Variants in OSMR observed in about 807,000 individuals in gnomAD.
OSMR encodes oncostatin-M-specific receptor subunit beta.
OSMR carries 81 observed loss-of-function variants against 99.9 expected under a neutral mutation model. That is an observed-to-expected ratio of 0.81 (90% confidence interval 0.68 to 0.97). OSMR has a LOEUF of 0.97. Among genes scored for constraint, OSMR ranks in the 50% least tolerant of loss-of-function variants. OSMR has a pLI of 0.00. For synonymous variants in OSMR, 406 were observed against 410.4 expected (o/e 0.99, Z 0.13); for missense variants, 1,099 against 1,153.4 (o/e 0.95, Z 0.68).
chr5:38,914,276 A>ACAGGG (rs1168569744), intron 9 of OSMR, among the ~76,000 whole-genome samples: 1 of 152,186 alleles, frequency 6.6e-6, no homozygotes, highest in Non-Finnish European at 1.5e-5. Context: ...ATGTCTGCTC[A>ACAGGG]CAGGGTATTC....
intron 15 of OSMR, among the ~76,000 whole-genome samples, chr5:38,928,728 TGAC>T (rs1327106309): frequency 1.3e-5 from 2 of 152,196 alleles, no homozygotes; most frequent in Non-Finnish European, 2.9e-5. Flanking sequence ...GACTGCATGT[TGAC>T]TACTACACTG....
intron 9 of OSMR, among the ~76,000 whole-genome samples, chr5:38,909,415 C>A (rs528956588): frequency 1.3e-5 from 2 of 152,308 alleles, no homozygotes; most frequent in East Asian, 3.9e-4. Context: ...GACACCATGT[C>A]TCCAAGACAT....
intron 1 of OSMR, among the ~76,000 whole-genome samples, chr5:38,862,230 T>A (rs1161414421): frequency 1.1e-5 from 1 of 94,170 alleles, no homozygotes; most frequent in African/African-American, 4.2e-5. Flanking sequence ...ACGGGGCGGC[T>A]GGCTGGGCGG....
intron 7 of OSMR, among the ~76,000 whole-genome samples, chr5:38,894,953 C>T (rs898738775): frequency 3.3e-5 from 5 of 150,814 alleles, no homozygotes; most frequent in Non-Finnish European, 4.4e-5. Flanking sequence ...ACCAGATGCT[C>T]GGCCATAAAT....
intron 1 of OSMR, among the ~76,000 whole-genome samples, chr5:38,861,933 C>T (rs552974294): frequency 3.8e-5 from 5 of 132,390 alleles, no homozygotes; most frequent in African/African-American, 5.7e-5. Context: ...CTGACCCCCC[C>T]ACCTCCCACC....
At chr5:38,905,939 C>T (rs942084636) in intron 9 of OSMR, among the ~76,000 whole-genome samples, 5 of 152,090 alleles carry the variant, frequency 3.3e-5, no homozygotes, top group African/African-American at 7.2e-5. Flanking sequence ...TAGTGGGCAC[C>T]GCTAATCAGA....
At chr5:38,876,119 T>C (rs990553033) in intron 2 of OSMR, 82 bp from the exon 3 acceptor site, 3 of 1,568,440 alleles carry the variant, frequency 1.9e-6, no homozygotes, top group Non-Finnish European at 2.6e-6. Flanking sequence ...TAAATAATGA[T>C]GATATTCAAG....
intron 1 of OSMR, among the ~76,000 whole-genome samples, chr5:38,942,549 C>G (rs1261021696): frequency 1.3e-5 from 2 of 149,108 alleles, no homozygotes; most frequent in Admixed American, 1.3e-4. Flanking sequence ...GTCCTGGGTT[C>G]ATATGATCCT....
chr5:38,851,868 G>A (rs773941499), intron 1 of OSMR, among the ~76,000 whole-genome samples: 2 of 152,046 alleles, frequency 1.3e-5, no homozygotes, highest in African/African-American at 2.4e-5. Context: ...TAAGTCTCAC[G>A]AGATCTGATG....
chr5:38,919,196 T>C (rs538669295), intron 11 of OSMR, 134 bp downstream of exon 11: 2 of 1,540,794 alleles, frequency 1.3e-6, no homozygotes, highest in Admixed American at 3.9e-5. Flanking sequence ...AGTCATTTTC[T>C]TTTGGGCCAG....
At chr5:38,861,411 CAT>C (rs1482591775) in intron 1 of OSMR, among the ~76,000 whole-genome samples, 1 of 152,116 alleles carries the variant, frequency 6.6e-6, no homozygotes, top group African/African-American at 2.4e-5. Context: ...GGACACAGCA[CAT>C]GTTTCAGAGA....
At chr5:38,858,722 C>T (rs951688485) in intron 1 of OSMR, among the ~76,000 whole-genome samples, 1 of 152,126 alleles carries the variant, frequency 6.6e-6, no homozygotes, top group Admixed American at 6.6e-5. Context: ...ATTTACATTC[C>T]CAGCAACAGT....
At position 38,918,951 on chromosome 5, in the gene OSMR, A is replaced by G. The variant is rs926937719; in HGVS notation, c.1474A>G (p.Ser492Gly). 11 of 1,614,076 alleles carry G rather than the reference A, an allele frequency of 6.8e-6. No individual in the cohort carries two copies. The African/African-American group carries it at 1.5e-4, about 22-fold the overall frequency. Reference protein sequence around the residue: ...ELHSIPAPANSTKLILDRCSY... With the variant: ...ELHSIPAPANGTKLILDRCSY... ...CCATTCCATTCCAGCACCAGCCAAC[A>G]GCACAAAACTAATCCTTGACAGGTG... The change falls in exon 11 of 18, where the codon AGC (serine) becomes GGC (glycine). Residue 492 changes from serine (S) to glycine (G), a missense_variant. By Grantham distance (56) the Ser-to-Gly change is moderately conservative. Coordinates refer to ENST00000274276, the MANE Select transcript of OSMR (RefSeq NM_003999.3).
chr5:38,881,514 G>A, intron 3 of OSMR, 79 bp from the exon 4 acceptor site: 1 of 1,612,816 alleles, frequency 6.2e-7, no homozygotes, highest in East Asian at 2.2e-5. Context: ...TTAGGTTTGT[G>A]CTTTGGGATA....
rs751473170 is a variant in OSMR, at chr5:38,903,869, T to G, written c.992-13T>G. 3 of 1,600,438 alleles carry G rather than the reference T, an allele frequency of 1.9e-6. No individual in the cohort carries two copies. The East Asian group carries it at 6.7e-5, about 36-fold the overall frequency. On this transcript the variant is annotated splice_polypyrimidine_tract_variant and intron_variant, in intron 7 of 17. Coordinates refer to ENST00000274276, the MANE Select transcript of OSMR (RefSeq NM_003999.3). The stretch of plus-strand genomic sequence containing the variant: ...GCTTGAATTTTTTTGTTTCTTTTTC[T>G]TTTTTTTGACAGTTTATTTAATGAA...
chr5:38,913,381 C>T (rs1745709197), intron 9 of OSMR, among the ~76,000 whole-genome samples: 1 of 152,016 alleles, frequency 6.6e-6, no homozygotes, highest in Non-Finnish European at 1.5e-5. Context: ...AACCCCGTCT[C>T]TACTAAAAAT....
At chr5:38,865,012 A>G (rs541546530) in intron 1 of OSMR, among the ~76,000 whole-genome samples, 23 of 152,146 alleles carry the variant, frequency 1.5e-4, no homozygotes, top group Non-Finnish European at 3.1e-4. Context: ...AAAGACCTGT[A>G]TACAAGTTCA....
At chr5:38,855,176 T>G (rs1289164285) in intron 1 of OSMR, among the ~76,000 whole-genome samples, 5 of 152,146 alleles carry the variant, frequency 3.3e-5, no homozygotes, top group African/African-American at 4.8e-5. Flanking sequence ...GGATTTTCAC[T>G]TGATCTGCAG....
At chr5:38,875,102 A>G (rs1227711087) in intron 2 of OSMR, among the ~76,000 whole-genome samples, 1 of 152,248 alleles carries the variant, frequency 6.6e-6, no homozygotes, top group Non-Finnish European at 1.5e-5. Flanking sequence ...AATCCCCCTG[A>G]AACTAGAAAA....
Sources: allele counts gnomAD v4.1 joint callset (sites outside exome capture counted in the v4.1 genomes callset), GRCh38; gene constraint gnomAD v4.1.1; transcripts MANE v1.5; gene names NCBI Gene and HGNC (gene_info 2026-07-23, HGNC 2026-07-21).